FCGRT: variants seen among roughly 807,000 people sequenced by gnomAD.
FCGRT encodes IgG receptor FcRn large subunit p51.
Under a neutral mutation model 35.7 loss-of-function variants are expected in FCGRT, and 13 were observed. That is an observed-to-expected ratio of 0.36 (90% confidence interval 0.24 to 0.58). The LOEUF is 0.58. Ranked by LOEUF, FCGRT falls within the 20% of genes least tolerant of loss-of-function variation. The probability of loss-of-function intolerance (pLI) is 0.77; values close to 1 mark genes in which losing one functional copy is unlikely to be tolerated. For missense variants in FCGRT, 455 were observed against 474.9 expected (o/e 0.96, Z 0.39); for synonymous variants, 233 against 216.5 (o/e 1.08, Z -0.67).
rs1176536865 is a variant in FCGRT, at chr19:49,514,997, C to CTTT, written c.601+523_601+525dup. Among the ~76,000 whole-genome samples the CTTT allele has an allele frequency of 1.5e-3, 217 of 141,474 alleles. 3 individuals carry two copies. The highest frequency in any genetic ancestry group is 5.3e-3 in the African/African-American group (206 of 38,678). The allele number at this position is 141,474 out of a possible 152,430, so 92.8% of individuals were successfully genotyped here. A position where few individuals can be genotyped will look rare whatever the true frequency, so the allele number is the denominator to read the frequency against. On this transcript the variant is annotated intron_variant, in intron 4 of 6. Transcript: ENST00000221466. ...ATGAGCTACTGCTCCTGGCTCCCCC[C>CTTT]TTTTTTTTTTTTTTGAGACAGATTC...
intron 5 of FCGRT, 31 bp from the exon 6 acceptor site, chr19:49,525,426 C>T: frequency 6.5e-7 from 1 of 1,537,050 alleles, no homozygotes; most frequent in South Asian, 1.1e-5. Context: ...GGAGGGGCTG[C>T]TCCACATCTC....
At chr19:49,517,904 G>A (rs987744318) in intron 4 of FCGRT, among the ~76,000 whole-genome samples, 3 of 152,064 alleles carry the variant, frequency 2.0e-5, no homozygotes, top group Non-Finnish European at 4.4e-5. Context: ...TATTGGCCAG[G>A]CTGGTCTTGA....
rs140011902 is a variant in FCGRT at position 49,523,478 on chromosome 19, G to A, written c.602-1029G>A. Among the ~76,000 whole-genome samples, 1,230 of 152,230 alleles carry A rather than the reference G, an allele frequency of 8.1e-3. 6 individuals are homozygous for A. Among genetic ancestry groups the A allele is most frequent in the South Asian group, 0.013 (62 of 4,824 alleles). The stretch of plus-strand genomic sequence containing the variant: ...AGCCACTCGGGAGGCTGTGGAAGAA[G>A]AAACTCTTGAACCCAGGAAGTGGGG... On this transcript the variant is annotated intron_variant, in intron 4 of 6. Transcript: ENST00000221466.
intron 4 of FCGRT, among the ~76,000 whole-genome samples, chr19:49,520,143 T>TG: frequency 6.9e-6 from 1 of 144,924 alleles, no homozygotes; most frequent in East Asian, 2.0e-4. Context: ...TTTTTTTTTT[T>TG]TTTTTGAGAG....
chr19:49,514,580 C>A, intron 4 of FCGRT, 94 bp downstream of exon 4: 1 of 1,195,062 alleles, frequency 8.4e-7, no homozygotes, highest in Non-Finnish European at 1.1e-6. Context: ...ATCAGCCTCC[C>A]ACTGCAGCCC....
rs187645502 is a variant in FCGRT, at chr19:49,516,721, T to A, written c.601+2235T>A. ...ACAGGCACACACCACCATGCCTGGC[T>A]AATTTTTGTATTTTTAGTAGAGACG... On this transcript the variant is annotated intron_variant, in intron 4 of 6. Transcript: ENST00000221466. Among the ~76,000 whole-genome samples the A allele has an allele frequency of 5.8e-3, 885 of 152,014 alleles. 3 individuals are homozygous for A. Among genetic ancestry groups the A allele is most frequent in the Non-Finnish European group, 0.01 (701 of 67,976 alleles).
intron 6 of FCGRT, 153 bp from the exon 7 acceptor site, chr19:49,525,857 C>G: frequency 1.4e-6 from 1 of 724,352 alleles, no homozygotes; most frequent in South Asian, 1.5e-5. Flanking sequence ...AGAGGGGGGA[C>G]GGAAAATTGG....
chr19:49,515,669 C>G (rs905068257), intron 4 of FCGRT, among the ~76,000 whole-genome samples: 19 of 152,326 alleles, frequency 1.2e-4, no homozygotes, highest in Admixed American at 1.2e-3. Context: ...TCAAGTGATT[C>G]TCTCACTTTG....
intron 4 of FCGRT, among the ~76,000 whole-genome samples, chr19:49,522,038 C>T (rs1049435090): frequency 1.3e-4 from 19 of 151,214 alleles, no homozygotes; most frequent in African/African-American, 4.4e-4. Context: ...TTCAGTTTAT[C>T]GACTTCAATT....
intron 4 of FCGRT, chr19:49,521,584 AG>A (rs1421000362): frequency 7.5e-5 from 11 of 146,366 alleles, no homozygotes; most frequent in Admixed American, 2.0e-4. Flanking sequence ...AAAAAAAAAA[AG>A]GAAAAGAAAG....
intron 4 of FCGRT, among the ~76,000 whole-genome samples, chr19:49,517,329 A>G (rs2080013292): frequency 6.6e-6 from 1 of 152,132 alleles, no homozygotes; most frequent in African/African-American, 2.4e-5. Context: ...CATCTCTACT[A>G]AACATACAAA....
intron 4 of FCGRT, among the ~76,000 whole-genome samples, chr19:49,517,729 C>T (rs1039782266): frequency 2.0e-5 from 3 of 152,098 alleles, no homozygotes; most frequent in Non-Finnish European, 4.4e-5. Flanking sequence ...TGGAGTCTCA[C>T]TCTGTCATGC....
At chr19:49,523,350 C>G (rs1185177810) in intron 4 of FCGRT, among the ~76,000 whole-genome samples, 2 of 151,986 alleles carry the variant, frequency 1.3e-5, no homozygotes, top group East Asian at 3.9e-4. Flanking sequence ...AGGTAGATCA[C>G]AATGTCAGGA....
chr19:49,514,124 G>A lies in FCGRT; in HGVS notation c.316G>A (p.Gly106Arg), dbSNP rs201043787. 5 of 1,612,882 alleles carry A rather than the reference G, an allele frequency of 3.1e-6. No homozygotes were observed. Among genetic ancestry groups the A allele is most frequent in the Admixed American group, 1.7e-5 (1 of 59,938 alleles). Residue 106 changes from glycine to arginine, a missense_variant, in exon 3 of 7, where the codon GGG becomes AGG. Coordinates refer to ENST00000221466, the MANE Select transcript of FCGRT (RefSeq NM_001136019.3). ...KLFLEAFKAL[G>R]GKGPYTLQGL... is the part of the protein sequence containing the mutation. ...CTTTCTGGAAGCTTTCAAAGCTTTG[G>A]GGGGAAAAGGTGAGATTCCGGTCTG...
intron 4 of FCGRT, among the ~76,000 whole-genome samples, chr19:49,516,826 G>A (rs139221397): frequency 7.9e-5 from 12 of 152,036 alleles, no homozygotes; most frequent in African/African-American, 2.9e-4. Context: ...AAAGTGCTGG[G>A]ATTACAGGCA....
chr19:49,518,566 CT>C (rs1368356607), intron 4 of FCGRT, among the ~76,000 whole-genome samples: 1 of 152,186 alleles, frequency 6.6e-6, no homozygotes, highest in African/African-American at 2.4e-5. Flanking sequence ...CAAAGTCTTA[CT>C]CTGTCGCCCA....
chr19:49,525,461 TC>T lies in FCGRT; in HGVS notation c.878del (p.Pro293GlnfsTer23), dbSNP rs1230545230. 1 of 1,613,032 alleles carries T rather than the reference TC, an allele frequency of 6.2e-7. No individual in the cohort carries two copies. Among genetic ancestry groups the T allele is most frequent in the Non-Finnish European group, 8.5e-7 (1 of 1,179,376 alleles). On this transcript the variant is annotated frameshift_variant, in exon 6 of 7. Coordinates refer to ENST00000221466, the MANE Select transcript of FCGRT (RefSeq NM_001136019.3). LOFTEE classifies it high-confidence loss of function. ...CACAGCGTTCTCTGGCTGCAGAATCTCCAGCCAAGTCCTCCGTGCTCGTGGT... is the reference window on the plus strand; with the variant it reads ...CACAGCGTTCTCTGGCTGCAGAATCTCAGCCAAGTCCTCCGTGCTCGTGGT... ...AQPLRVELESPAKSSVLVVGI... is the reference protein window; with the variant it reads ...AQPLRVELESXAKSSVLVVGI...
chr19:49,518,947 A>G (rs377357872), intron 4 of FCGRT, among the ~76,000 whole-genome samples: 1 of 151,284 alleles, frequency 6.6e-6, no homozygotes, highest in Non-Finnish European at 1.5e-5. Flanking sequence ...AGTTGCACCA[A>G]TTCTCCTGCC....
intron 4 of FCGRT, 38 bp from the exon 5 acceptor site, chr19:49,524,469 G>T (rs1410162388): frequency 6.3e-7 from 1 of 1,583,552 alleles, no homozygotes; most frequent in Non-Finnish European, 8.6e-7. Flanking sequence ...GGGAGTGGTG[G>T]GCTCGCGACT....
Sources: gnomAD v4.1 joint callset for allele counts (sites outside exome capture counted in the v4.1 genomes callset) on GRCh38, gnomAD v4.1.1 for gene constraint, MANE v1.5 for transcripts, NCBI Gene and HGNC (gene_info 2026-07-23, HGNC 2026-07-21) for gene names.